The following PKHD1 variants were observed in gnomAD, a reference collection of about 807,000 sequenced individuals.
The protein encoded by PKHD1 is PKHD1 ciliary IPT domain containing fibrocystin/polyductin.
A neutral mutation model predicts 412.0 loss-of-function variants in PKHD1; 291 were observed. The ratio of observed to expected loss-of-function variants is 0.71; its 90% CI spans 0.64 to 0.78. The LOEUF is 0.78. Among genes scored for constraint, PKHD1 ranks in the 30% least tolerant of loss-of-function variants. The pLI, the probability that PKHD1 is intolerant of heterozygous loss-of-function variation, is 0.00. For missense variants in PKHD1, 4,825 were observed against 4,950.7 expected (o/e 0.97, Z 0.76); for synonymous variants, 1,777 against 1,821.5 (o/e 0.98, Z 0.62).
intron 60 of PKHD1, among the ~76,000 whole-genome samples, chr6:51,670,638 A>G (rs1250665091): frequency 6.6e-6 from 1 of 151,156 alleles, no homozygotes; most frequent in Admixed American, 6.6e-5. Flanking sequence ...GTTTCTTCCT[A>G]GTCTCGATGG....
chr6:51,673,439 T>C lies in PKHD1; in HGVS notation c.10157-13470A>G, dbSNP rs529423865. 2.0e-5 allele frequency among the ~76,000 whole-genome samples: 3 copies of C among 152,372 alleles called. No individual in the cohort carries two copies. The South Asian group carries it at 6.2e-4, about 32-fold the overall frequency. ...ACTTTTCTGTGTGCCTTTGCATCTC[T>C]ACCAAATTGAAGTTATGGTGGCCGA... is the stretch of plus-strand genomic sequence containing the variant. On this transcript the variant is annotated intron_variant, in intron 60 of 66. Coordinates refer to ENST00000371117, the MANE Select transcript of PKHD1 (RefSeq NM_138694.4).
chr6:52,080,065 G>T, intron 4 of PKHD1, 57 bp from the exon 5 acceptor site: 1 of 994,006 alleles, frequency 1.0e-6, no homozygotes, highest in Non-Finnish European at 1.6e-6. Flanking sequence ...CCCAAAGCTA[G>T]CAGCCCACTT....
chr6:51,633,689 G>A (rs1256702963), intron 64 of PKHD1, among the ~76,000 whole-genome samples: 1 of 152,100 alleles, frequency 6.6e-6, no homozygotes, highest in Admixed American at 6.6e-5. Context: ...CTGTAGAAAA[G>A]ACAAAACTAT....
At chr6:51,759,636 C>T (rs1787643930) in intron 55 of PKHD1, among the ~76,000 whole-genome samples, 1 of 151,676 alleles carries the variant, frequency 6.6e-6, no homozygotes, top group African/African-American at 2.4e-5. Flanking sequence ...AGAAGGGTTA[C>T]TTTTACTTGT....
chr6:51,817,651 A>G (rs2151433963), intron 52 of PKHD1, among the ~76,000 whole-genome samples: 1 of 152,302 alleles, frequency 6.6e-6, no homozygotes, highest in East Asian at 1.9e-4. Flanking sequence ...CTGGGATTTA[A>G]TCAGCACTCT....
rs187151974 is a variant in PKHD1, at chr6:52,064,203, T to G, written c.976+752A>C. On this transcript the variant is annotated intron_variant, in intron 13 of 66. Transcript: ENST00000371117. ...GAGTTGACTCTCGCTGCCTGTAGTT[T>G]AACCATTAAGTCAGGCCCTTGGGCA... 1.4e-3 allele frequency among the ~76,000 whole-genome samples: 208 copies of G among 152,384 alleles called. 1 individual carries two copies. The highest frequency in any genetic ancestry group is 3.4e-3 in the Middle Eastern group (1 of 294).
intron 33 of PKHD1, among the ~76,000 whole-genome samples, chr6:52,021,178 TATAA>T (rs1178043580): frequency 2.6e-5 from 4 of 152,254 alleles, no homozygotes; most frequent in African/African-American, 7.2e-5. Flanking sequence ...CTAGTGGCCA[TATAA>T]ATAGTTACAG....
intron 41 of PKHD1, among the ~76,000 whole-genome samples, chr6:51,905,829 G>A (rs1781983338): frequency 6.6e-6 from 1 of 152,146 alleles, no homozygotes; most frequent in Non-Finnish European, 1.5e-5. Context: ...GCAAGCCACA[G>A]GAGCTTGAAT....
At chr6:51,949,870 A>G (rs1355182809) in intron 36 of PKHD1, among the ~76,000 whole-genome samples, 1 of 152,072 alleles carries the variant, frequency 6.6e-6, no homozygotes, top group Non-Finnish European at 1.5e-5. Flanking sequence ...CCACACACAC[A>G]CAGAAGCAGA....
intron 55 of PKHD1, among the ~76,000 whole-genome samples, chr6:51,768,526 G>C (rs1241708257): frequency 6.6e-6 from 1 of 151,904 alleles, no homozygotes; most frequent in Non-Finnish European, 1.5e-5. Context: ...TTTACTACTT[G>C]TATATTAAAA....
intron 55 of PKHD1, among the ~76,000 whole-genome samples, chr6:51,758,041 AG>A (rs1343807420): frequency 2.1e-4 from 30 of 141,260 alleles, no homozygotes; most frequent in African/African-American, 8.5e-4. Context: ...AGAGAGAGAG[AG>A]AGAGAGAGAG....
chr6:51,887,528 C>A (rs1331098770), intron 43 of PKHD1, among the ~76,000 whole-genome samples: 1 of 152,048 alleles, frequency 6.6e-6, no homozygotes, highest in Non-Finnish European at 1.5e-5. Flanking sequence ...GTCAGTTTCT[C>A]GTGAATGGTT....
rs144192219 is a variant in PKHD1 at position 52,073,527 on chromosome 6, C to T, written c.463G>A (p.Val155Ile). ...CTTCCAGTGATAATCCAGCCATATA[C>T]ATGTATTAGTTTTCCTGTTTGAAGA... ...PSGVPGKLIH[V>I]YGWIITGRLE... Residue 155 changes from valine to isoleucine, a missense_variant, in exon 7 of 67, where the codon GTA (valine) becomes ATA (isoleucine). By Grantham distance (29) the Val-to-Ile change is conservative. Coordinates refer to ENST00000371117, the MANE Select transcript of PKHD1 (RefSeq NM_138694.4). 6 of 1,597,832 alleles carry T rather than the reference C, an allele frequency of 3.8e-6. No individual in the cohort carries two copies. In the African/African-American group the frequency reaches 4.0e-5, roughly 11 times the overall value.
intron 29 of PKHD1, among the ~76,000 whole-genome samples, chr6:52,031,688 A>G (rs1803056483): frequency 6.6e-6 from 1 of 152,108 alleles, no homozygotes; most frequent in Admixed American, 6.6e-5. Context: ...ATTTCATCTC[A>G]GCCTCACGGT....
rs62459060 is a variant in PKHD1 at position 51,807,015 on chromosome 6, T to C, written c.8303-15642A>G. ...ACCTAAAATACCCTGCAAAAGACTATGAACTTGGGACACACTTTCAGTTCA... is the reference window on the plus strand; with the variant it reads ...ACCTAAAATACCCTGCAAAAGACTACGAACTTGGGACACACTTTCAGTTCA... On this transcript the variant is annotated intron_variant, in intron 52 of 66. Coordinates refer to ENST00000371117, the MANE Select transcript of PKHD1 (RefSeq NM_138694.4). 7.4e-3 allele frequency among the ~76,000 whole-genome samples: 1,131 copies of C among 152,252 alleles called. 5 individuals carry two copies. The highest frequency in any genetic ancestry group is 0.011 in the Non-Finnish European group (737 of 68,014).
chr6:52,051,745 A>G (rs1215086066), intron 21 of PKHD1, among the ~76,000 whole-genome samples: 7 of 152,242 alleles, frequency 4.6e-5, no homozygotes, highest in African/African-American at 1.4e-4. Context: ...GAGTTTTCCA[A>G]CTAGTGGACT....
At chr6:51,815,144 T>C (rs1245301128) in intron 52 of PKHD1, among the ~76,000 whole-genome samples, 3 of 152,216 alleles carry the variant, frequency 2.0e-5, no homozygotes, top group Non-Finnish European at 4.4e-5. Flanking sequence ...AATACTTTAG[T>C]AGGGACTGAC....
At position 51,896,347 on chromosome 6, in the gene PKHD1, T is replaced by A. The variant is rs563651162; in HGVS notation, c.6996+7250A>T. The stretch of plus-strand genomic sequence containing the variant: ...CGGGCAGACTGCCTCCTCAAGTGGG[T>A]CCCTGACCCCTGACCCCCGAGCAGC... On this transcript the variant is annotated intron_variant, in intron 43 of 66. Coordinates refer to ENST00000371117, the MANE Select transcript of PKHD1 (RefSeq NM_138694.4). Among the ~76,000 whole-genome samples the A allele has an allele frequency of 2.0e-4, 30 of 152,078 alleles. No homozygotes were observed. In the South Asian group the frequency reaches 6.3e-3, roughly 32 times the overall value.
chr6:51,782,200 A>G (rs10948644), intron 53 of PKHD1, among the ~76,000 whole-genome samples: 88,982 of 151,758 alleles, frequency 0.59, 26,854 homozygotes, highest in East Asian at 0.83. Context: ...GCCTTTAGTA[A>G]AGACTAACTG....
Sources: allele counts gnomAD v4.1 joint callset (sites outside exome capture counted in the v4.1 genomes callset), GRCh38; gene constraint gnomAD v4.1.1; transcripts MANE v1.5; gene names NCBI Gene and HGNC (gene_info 2026-07-23, HGNC 2026-07-21).